SSH1: variants seen among roughly 807,000 people sequenced by gnomAD.
SSH1 encodes slingshot protein phosphatase 1, also known as protein phosphatase Slingshot homolog 1.
Under a neutral mutation model 79.7 loss-of-function variants are expected in SSH1, and 43 were observed. That is an observed-to-expected ratio of 0.54 (90% CI 0.42 to 0.70). The LOEUF is 0.70. Ranked by LOEUF, SSH1 falls within the 30% of genes least tolerant of loss-of-function variation. The pLI, the probability that SSH1 is intolerant of heterozygous loss-of-function variation, is 0.00. For synonymous variants in SSH1, 599 were observed against 538.3 expected (o/e 1.11, Z -1.56); for missense variants, 1,206 against 1,358.8 (o/e 0.89, Z 1.77).
rs1377274525 is a variant in SSH1, at chr12:108,857,237, C to G, written c.69+191G>C. ...CGCACACAAAGTCCCCGCACAGCTC[C>G]CCAAGACAGGGTCACATCGCACACA... On this transcript the variant is annotated intron_variant, in intron 1 of 14. Transcript: ENST00000326495. The surrounding 1 kb of genome is among the most constrained non-coding windows in gnomAD (Gnocchi z 4.7). Among the ~76,000 whole-genome samples, 1 of 152,126 alleles carries G rather than the reference C, an allele frequency of 6.6e-6. No individual in the cohort carries two copies. The highest frequency in any genetic ancestry group is 2.4e-5 in the African/African-American group (1 of 41,456).
At chr12:108,814,974 G>T (rs908364228) in intron 5 of SSH1, among the ~76,000 whole-genome samples, 7 of 152,242 alleles carry the variant, frequency 4.6e-5, no homozygotes, top group Non-Finnish European at 8.8e-5. Flanking sequence ...TGTGAGCTCT[G>T]TGAGACTGTA....
At chr12:108,790,953 G>A (rs1338999736) in intron 14 of SSH1, among the ~76,000 whole-genome samples, 1 of 152,162 alleles carries the variant, frequency 6.6e-6, no homozygotes, top group Non-Finnish European at 1.5e-5. Context: ...GGAAAAGGTT[G>A]GCTGGAATTA....
chr12:108,849,767 C>G, intron 2 of SSH1, among the ~76,000 whole-genome samples: 1 of 141,992 alleles, frequency 7.0e-6, no homozygotes, highest in Non-Finnish European at 1.5e-5. Flanking sequence ...TCAACAACAG[C>G]CCTGAGAGAG....
Position 108,818,280 on chromosome 12 carries a change from T to C in SSH1, c.248A>G (p.Asn83Ser), listed in dbSNP as rs773314451. Residue 83 changes from asparagine (N) to serine (S), a missense_variant, in exon 4 of 15, where the codon AAC (asparagine) becomes AGC (serine). Asn to Ser is a conservative substitution (Grantham distance 46). Transcript: ENST00000326495. ...DLPQHLQVMINLLRCEDRIKL... is the reference protein window; with the variant it reads ...DLPQHLQVMISLLRCEDRIKL... ...GATTCTGTCTTCGCAACGCAGAAGG[T>C]TGATCATCACCTGAAGATGTTGAGG... 4 of 1,613,838 alleles carry C rather than the reference T, an allele frequency of 2.5e-6. No homozygotes were observed. Among genetic ancestry groups the C allele is most frequent in the East Asian group, 2.2e-5 (1 of 44,896 alleles).
intron 2 of SSH1, among the ~76,000 whole-genome samples, chr12:108,848,061 C>T (rs1054995667): frequency 3.3e-5 from 5 of 152,156 alleles, no homozygotes; most frequent in South Asian, 2.1e-4. Flanking sequence ...AAGGCACATG[C>T]GAGAGGGGAG....
Position 108,805,755 on chromosome 12 carries a change from A to G in SSH1, c.825+546T>C, listed in dbSNP as rs575570946. 8.5e-5 allele frequency among the ~76,000 whole-genome samples: 13 copies of G among 152,292 alleles called. No individual in the cohort carries two copies. The East Asian group carries it at 2.5e-3, about 29-fold the overall frequency. On this transcript the variant is annotated intron_variant, in intron 9 of 14. Coordinates refer to ENST00000326495, the MANE Select transcript of SSH1 (RefSeq NM_018984.4). ...ATGTCAATTTTAACTTCTTAGATCC[A>G]TCCAGTTGAATCTCTCATTGTAATT...
chr12:108,835,883 TTAA>T lies in SSH1; in HGVS notation c.111-12525_111-12523del, dbSNP rs201453532. ...ATAGCATATATACATATTATATTAA[TTAA>T]TTATAACTATATTAATATAATTAAT... On this transcript the variant is annotated intron_variant, in intron 2 of 14. Coordinates refer to ENST00000326495, the MANE Select transcript of SSH1 (RefSeq NM_018984.4). Among the ~76,000 whole-genome samples the T allele has an allele frequency of 1.9e-4, 25 of 132,180 alleles. 1 individual carries two copies. The highest frequency in any genetic ancestry group is 6.9e-4 in the African/African-American group (25 of 36,216). The allele number at this position is 132,180 out of a possible 152,430, so 86.7% of individuals were successfully genotyped here.
rs1038029136 is a variant in SSH1, at chr12:108,789,021, G to C, written c.2117C>G (p.Ser706Cys). Residue 706 changes from serine (S) to cysteine (C), a missense_variant, in exon 15 of 15, where the codon TCT becomes TGT. Physicochemically the swap from Ser to Cys is moderately radical, Grantham distance 112. Transcript: ENST00000326495. ...GAACGGGGGAGGTTCGGTTGGGCCA[G>C]AGGCTGGCTTCTCCGGAACACGGGA... Reference protein sequence around the residue: ...SRSRVPEKPASGPTEPPPFLP... With the variant: ...SRSRVPEKPACGPTEPPPFLP... 1.4e-5 allele frequency: 22 copies of C among 1,609,062 alleles called. No individual in the cohort carries two copies. The highest frequency in any genetic ancestry group is 1.7e-5 in the Non-Finnish European group (20 of 1,176,670).
At chr12:108,809,891 A>AT in intron 6 of SSH1, 133 bp from the exon 7 acceptor site, 2 of 780,926 alleles carry the variant, frequency 2.6e-6, no homozygotes, top group South Asian at 2.8e-5. Flanking sequence ...ATGATGAGGG[A>AT]TTTTACGGAA....
intron 14 of SSH1, among the ~76,000 whole-genome samples, chr12:108,790,491 T>C (rs1425426722): frequency 1.3e-5 from 2 of 152,084 alleles, no homozygotes; most frequent in African/African-American, 4.8e-5. Flanking sequence ...ACCATGTTGG[T>C]CATGCTGGTC....
chr12:108,848,344 C>T (rs576613806), intron 2 of SSH1, among the ~76,000 whole-genome samples: 195 of 152,072 alleles, frequency 1.3e-3, no homozygotes, highest in African/African-American at 4.5e-3. Context: ...TTTTCGATGA[C>T]CCAAAAGATG....
chr12:108,852,573 G>A, intron 2 of SSH1, 65 bp downstream of exon 2: 1 of 1,594,268 alleles, frequency 6.3e-7, no homozygotes, highest in Non-Finnish European at 8.6e-7. Context: ...TTTGGGAGAG[G>A]AACAAGAGCA....
chr12:108,819,046 A>C (rs1382703671), intron 3 of SSH1, among the ~76,000 whole-genome samples: 1 of 150,262 alleles, frequency 6.7e-6, no homozygotes, highest in Admixed American at 6.6e-5. Context: ...AAGCTACCCC[A>C]CCCAGGCCCC....
chr12:108,827,326 T>G (rs1488521253), intron 2 of SSH1: 2 of 1,550,358 alleles, frequency 1.3e-6, no homozygotes, highest in South Asian at 1.2e-5. Flanking sequence ...GATGCAGAAG[T>G]CGGTAAAATA....
intron 12 of SSH1, 149 bp downstream of exon 12, chr12:108,800,631 C>T (rs935386945): frequency 2.3e-5 from 21 of 897,198 alleles, no homozygotes; most frequent in African/African-American, 6.6e-5. Context: ...ACATCAAGTC[C>T]ACTCCCACCA....
At chr12:108,795,006 A>G (rs74648388) in intron 13 of SSH1, among the ~76,000 whole-genome samples, 1 of 152,284 alleles carries the variant, frequency 6.6e-6, no homozygotes, top group East Asian at 1.9e-4. Flanking sequence ...GAAGGCATAC[A>G]TGACTCTCTT....
intron 2 of SSH1, among the ~76,000 whole-genome samples, chr12:108,828,586 G>C (rs1241329186): frequency 6.6e-6 from 1 of 152,170 alleles, no homozygotes; most frequent in Non-Finnish European, 1.5e-5. Flanking sequence ...GAAAGAGAGA[G>C]AAGGAACCAT....
chr12:108,828,418 C>A (rs1220407746), intron 2 of SSH1, among the ~76,000 whole-genome samples: 2 of 152,176 alleles, frequency 1.3e-5, no homozygotes, highest in African/African-American at 4.8e-5. Context: ...AGCAGCTGTT[C>A]TACTCATCCA....
At chr12:108,826,552 G>A (rs1029520510) in intron 2 of SSH1, among the ~76,000 whole-genome samples, 3 of 111,896 alleles carry the variant, frequency 2.7e-5, no homozygotes, top group Non-Finnish European at 3.6e-5. Context: ...GGGGGGTGGG[G>A]TGGGAGGCCG....
Sources: gnomAD v4.1 joint callset for allele counts (sites outside exome capture counted in the v4.1 genomes callset) on GRCh38, gnomAD v4.1.1 for gene constraint, Gnocchi (gnomAD v3.1) non-coding constraint, MANE v1.5 for transcripts, NCBI Gene and HGNC (gene_info 2026-07-23, HGNC 2026-07-21) for gene names.